Variants in NREP observed in about 807,000 individuals in gnomAD.
The protein encoded by NREP is neuronal regeneration related protein.
Under a neutral mutation model 8.6 loss-of-function variants are expected in NREP, and 5 were observed. The observed-to-expected ratio is 0.58, with a 90% CI of 0.30 to 1.22. The LOEUF (loss-of-function observed/expected upper bound fraction) is 1.22, where lower values mean the gene tolerates loss of function less well. Ranked by LOEUF, NREP falls within the 50% of genes most tolerant of loss-of-function variation. The pLI is 0.07. For missense variants in NREP, 86 were observed against 82.5 expected (o/e 1.04, Z -0.17); for synonymous variants, 27 against 28.0 (o/e 0.96, Z 0.11).
intron 2 of NREP, among the ~76,000 whole-genome samples, chr5:111,745,945 T>A (rs1749974929): frequency 6.6e-6 from 1 of 152,124 alleles, no homozygotes; most frequent in Non-Finnish European, 1.5e-5. Context: ...ACAAACTAAT[T>A]ATTAACATCC....
At chr5:111,968,962 T>C (rs1364670538) in intron 2 of NREP, among the ~76,000 whole-genome samples, 1 of 152,190 alleles carries the variant, frequency 6.6e-6, no homozygotes, top group Non-Finnish European at 1.5e-5. Flanking sequence ...ACTTTGTTTC[T>C]TTTTAGATAG....
chr5:111,877,584 A>T (rs186022933), intron 2 of NREP, among the ~76,000 whole-genome samples: 81 of 152,350 alleles, frequency 5.3e-4, no homozygotes, highest in African/African-American at 1.7e-3. Flanking sequence ...AACTGGGCAA[A>T]TGGAAATGAA....
At chr5:111,885,086 A>C (rs1355079247) in intron 2 of NREP, among the ~76,000 whole-genome samples, 4 of 152,194 alleles carry the variant, frequency 2.6e-5, no homozygotes, top group Non-Finnish European at 5.9e-5. Context: ...CCATTGTCTC[A>C]GCCCAAAATC....
chr5:111,807,620 G>A (rs1461536330), intron 2 of NREP, among the ~76,000 whole-genome samples: 1 of 152,046 alleles, frequency 6.6e-6, no homozygotes, highest in Non-Finnish European at 1.5e-5. Context: ...AGATACTAGA[G>A]TGAAAGGTAG....
At chr5:111,753,274 A>C (rs910974007) in intron 2 of NREP, among the ~76,000 whole-genome samples, 1 of 150,344 alleles carries the variant, frequency 6.7e-6, no homozygotes, top group Non-Finnish European at 1.5e-5. Flanking sequence ...GCGTTCAAGG[A>C]GGCCCATACA....
intron 2 of NREP, among the ~76,000 whole-genome samples, chr5:111,747,251 G>A (rs1191057341): frequency 6.6e-6 from 1 of 152,140 alleles, no homozygotes; most frequent in Non-Finnish European, 1.5e-5. Flanking sequence ...CAAAGAAGCA[G>A]TATCTTCTCC....
intron 2 of NREP, among the ~76,000 whole-genome samples, chr5:111,796,796 C>T (rs1044216204): frequency 6.6e-6 from 1 of 152,146 alleles, no homozygotes; most frequent in African/African-American, 2.4e-5. Flanking sequence ...AAAGGGTCTG[C>T]AGCATTTTCA....
intron 2 of NREP, among the ~76,000 whole-genome samples, chr5:111,943,609 G>A (rs1561360043): frequency 1.3e-5 from 2 of 152,024 alleles, no homozygotes; most frequent in African/African-American, 4.8e-5. Flanking sequence ...CTGAAGCTAT[G>A]CCTCTTTTTA....
chr5:111,882,502 A>G (rs1466514327), intron 2 of NREP, among the ~76,000 whole-genome samples: 1 of 152,182 alleles, frequency 6.6e-6, no homozygotes, highest in Non-Finnish European at 1.5e-5. Flanking sequence ...ACTCCTCAAG[A>G]AGAGCAACTC....
chr5:111,809,872 T>G (rs11739745), intron 2 of NREP, among the ~76,000 whole-genome samples: 1 of 27,554 alleles, frequency 3.6e-5, no homozygotes, highest in Non-Finnish European at 1.3e-4. Flanking sequence ...GACTTTGGCG[T>G]GTGTGTGTGT....
chr5:111,964,865 A>T (rs868658739), intron 2 of NREP, among the ~76,000 whole-genome samples: 166 of 108,942 alleles, frequency 1.5e-3, no homozygotes, highest in Non-Finnish European at 1.9e-3. Flanking sequence ...CAAAAAAAAA[A>T]AAAAAAAAAA....
chr5:111,747,491 G>C (rs1046731449), intron 2 of NREP, among the ~76,000 whole-genome samples: 1 of 152,134 alleles, frequency 6.6e-6, no homozygotes, highest in African/African-American at 2.4e-5. Flanking sequence ...GTGTGTGATG[G>C]TGATCTGAGT....
At chr5:111,961,390 A>G (rs1561370186) in intron 2 of NREP, among the ~76,000 whole-genome samples, 1 of 152,222 alleles carries the variant, frequency 6.6e-6, no homozygotes, top group Non-Finnish European at 1.5e-5. Context: ...ATAAGTGCCA[A>G]GTTCCATTCA....
intron 2 of NREP, among the ~76,000 whole-genome samples, chr5:111,800,901 G>A (rs1241141639): frequency 6.6e-6 from 1 of 152,156 alleles, no homozygotes; most frequent in African/African-American, 2.4e-5. Context: ...GGACTTGACA[G>A]CACCATTTGT....
intron 2 of NREP, among the ~76,000 whole-genome samples, chr5:111,967,764 G>T (rs1236961712): frequency 6.6e-6 from 1 of 151,572 alleles, no homozygotes; most frequent in Non-Finnish European, 1.5e-5. Flanking sequence ...GATCTTTTCT[G>T]TCTTCCCCAA....
At chr5:111,946,358 A>C (rs1755983211) in intron 2 of NREP, among the ~76,000 whole-genome samples, 2 of 152,074 alleles carry the variant, frequency 1.3e-5, no homozygotes, top group South Asian at 4.1e-4. Context: ...TGGGCCCTAC[A>C]CTGAAGTTCT....
intron 2 of NREP, among the ~76,000 whole-genome samples, chr5:111,847,007 A>G (rs1474391862): frequency 6.6e-6 from 1 of 152,186 alleles, no homozygotes; most frequent in Non-Finnish European, 1.5e-5. Flanking sequence ...AAACACTAAT[A>G]AAGGCGACGA....
chr5:111,853,937 T>C (rs968610724), intron 2 of NREP, among the ~76,000 whole-genome samples: 1 of 152,144 alleles, frequency 6.6e-6, no homozygotes, highest in African/African-American at 2.4e-5. Flanking sequence ...TCTCGTTTCA[T>C]GATGTGTCTG....
intron 2 of NREP, among the ~76,000 whole-genome samples, chr5:111,958,598 A>C (rs1199989966): frequency 6.6e-6 from 1 of 151,964 alleles, no homozygotes; most frequent in African/African-American, 2.4e-5. Flanking sequence ...GTTTAATCTA[A>C]AATACACAAG....
Sources: gnomAD v4.1 joint callset for allele counts (sites outside exome capture counted in the v4.1 genomes callset) on GRCh38, gnomAD v4.1.1 for gene constraint, MANE v1.5 for transcripts, NCBI Gene and HGNC (gene_info 2026-07-23, HGNC 2026-07-21) for gene names.